DNAH10: variants seen among roughly 807,000 people sequenced by gnomAD.
DNAH10 encodes the protein axonemal beta dynein heavy chain 10.
A neutral mutation model predicts 506.6 loss-of-function variants in DNAH10; 348 were observed. The ratio of observed to expected loss-of-function variants is 0.69; its 90% confidence interval spans 0.63 to 0.75. The LOEUF (loss-of-function observed/expected upper bound fraction) is 0.75. DNAH10 is among the 30% of genes least tolerant of loss of function. DNAH10 has a pLI of 0.00. For missense variants in DNAH10, 5,179 were observed against 5,787.1 expected (o/e 0.89, Z 3.41); for synonymous variants, 2,059 against 2,198.6 (o/e 0.94, Z 1.78).
chr12:123,805,771 T>G (rs1005879541), intron 18 of DNAH10, among the ~76,000 whole-genome samples: 1 of 150,750 alleles, frequency 6.6e-6, no homozygotes, highest in Non-Finnish European at 1.5e-5. Context: ...TTCTCTTCTT[T>G]TCTTTTTTTT....
intron 56 of DNAH10, among the ~76,000 whole-genome samples, chr12:123,901,858 G>A (rs373461588): frequency 1.8e-4 from 27 of 152,032 alleles, no homozygotes; most frequent in Admixed American, 4.6e-4. Flanking sequence ...ACGGGGTTTC[G>A]CCATGTTGGC....
chr12:123,876,687 G>A (rs1952269318), intron 47 of DNAH10, among the ~76,000 whole-genome samples: 2 of 151,842 alleles, frequency 1.3e-5, no homozygotes, highest in African/African-American at 4.8e-5. Flanking sequence ...TAATGGCTGG[G>A]CATGGTGGCT....
chr12:123,933,010 A>G lies in DNAH10; in HGVS notation c.13297-321A>G, dbSNP rs544632362. Among the ~76,000 whole-genome samples the G allele has an allele frequency of 2.6e-5, 4 of 152,220 alleles. No homozygotes were observed. In the East Asian group the frequency reaches 5.8e-4, roughly 22 times the overall value. On this transcript the variant is annotated intron_variant, in intron 76 of 78. Coordinates refer to ENST00000673944, the MANE Select transcript of DNAH10 (RefSeq NM_001372106.1). The stretch of plus-strand genomic sequence containing the variant: ...TATTTTTTCCACAGAAAAGCTTTAC[A>G]TTTTTCCGTAGTCAAACCTACAAGG...
rs769915622 is a variant in DNAH10 at position 123,925,157 on chromosome 12, G to C, written c.11874G>C (p.Arg3958=). The change falls in exon 68 of 79, where the codon CGG becomes CGC. Residue 3958 remains arginine, a synonymous_variant. Transcript: ENST00000673944. The surrounding 1 kb of genome is among the most constrained non-coding windows in gnomAD (Gnocchi z 4.0). Reference sequence around the variant, plus strand: ...TTTTGCGCTGTTTCCGTGTGGATCGGGTCTATCGGGCCGTGACTGACTATG... The same window carrying C: ...TTTTGCGCTGTTTCCGTGTGGATCGCGTCTATCGGGCCGTGACTGACTATG... The part of the protein sequence containing the change: ...LLILRCFRVD[R]VYRAVTDYVT... The C allele has an allele frequency of 3.1e-6, 5 of 1,613,288 alleles. No homozygotes were observed. The highest frequency in any genetic ancestry group is 4.2e-6 in the Non-Finnish European group (5 of 1,179,736).
chr12:123,918,294 T>C (rs559427985), intron 64 of DNAH10, among the ~76,000 whole-genome samples: 1 of 152,308 alleles, frequency 6.6e-6, no homozygotes, highest in East Asian at 1.9e-4. Context: ...GTTCCTACCG[T>C]GAAGGTCCTG....
intron 26 of DNAH10, 26 bp downstream of exon 26, chr12:123,830,725 G>T: frequency 6.4e-7 from 1 of 1,565,054 alleles, no homozygotes; most frequent in African/African-American, 1.4e-5. Flanking sequence ...AAAACAGGCT[G>T]GAGAAAACAG....
intron 74 of DNAH10, 38 bp downstream of exon 74, chr12:123,931,510 G>C: frequency 1.2e-6 from 2 of 1,608,678 alleles, no homozygotes; most frequent in Non-Finnish European, 1.7e-6. Context: ...AGTTTGATTG[G>C]GGTTTTACGA....
chr12:123,894,858 G>A (rs1332555635), intron 54 of DNAH10, 135 bp downstream of exon 54: 2 of 778,578 alleles, frequency 2.6e-6, no homozygotes, highest in Non-Finnish European at 4.1e-6. Flanking sequence ...TTTCAATTTT[G>A]TTAGTATGTT....
At chr12:123,833,029 A>C (rs1391100574) in intron 26 of DNAH10, 85 bp from the exon 27 acceptor site, 1 of 1,034,886 alleles carries the variant, frequency 9.7e-7, no homozygotes, top group African/African-American at 1.6e-5. Context: ...GTTGGCCAAA[A>C]GCAAGCTAAG....
chr12:123,898,790 G>T lies in DNAH10; in HGVS notation c.9616G>T (p.Glu3206Ter), dbSNP rs1320940392. The change falls in exon 56 of 79, where the codon GAG becomes TAG. Residue 3206 changes from glutamate to a stop codon, truncating the protein, a stop_gained. Coordinates refer to ENST00000673944, the MANE Select transcript of DNAH10 (RefSeq NM_001372106.1). LOFTEE classifies it high-confidence loss of function. ...KSAACEALLE[E>*]IAVNTAVAEE... ...CGCCGCCTGCGAGGCCTTGCTGGAG[G>T]AGATCGCCGTCAACACCGCTGTAGG... 3.7e-6 allele frequency: 6 copies of T among 1,611,480 alleles called. No homozygotes were observed. The highest frequency in any genetic ancestry group is 5.1e-6 in the Non-Finnish European group (6 of 1,178,986).
chr12:123,783,057 TA>T, intron 6 of DNAH10, 49 bp from the exon 7 acceptor site: 1 of 1,584,872 alleles, frequency 6.3e-7, no homozygotes, highest in Non-Finnish European at 8.7e-7. Context: ...TTTCTCTTTG[TA>T]ATCATTTTTC....
intron 12 of DNAH10, among the ~76,000 whole-genome samples, chr12:123,795,616 A>G (rs955487433): frequency 6.6e-6 from 1 of 152,208 alleles, no homozygotes; most frequent in African/African-American, 2.4e-5. Context: ...AGGATAATTT[A>G]TCTATTTTAA....
intron 45 of DNAH10, among the ~76,000 whole-genome samples, chr12:123,872,002 C>A (rs1952055213): frequency 6.6e-6 from 1 of 152,214 alleles, no homozygotes; most frequent in African/African-American, 2.4e-5. Flanking sequence ...ACCCTCCCTT[C>A]TGCCCTAATC....
Position 123,910,630 on chromosome 12 carries a change from C to G in DNAH10, c.10092C>G (p.Gly3364=). The G allele has an allele frequency of 6.2e-6, 10 of 1,611,696 alleles. No individual in the cohort carries two copies. Among genetic ancestry groups the G allele is most frequent in the Non-Finnish European group, 8.5e-6 (10 of 1,179,816 alleles). Reference sequence around the variant, plus strand: ...TGAAATTTGTTGAAGCTGTAATGGGCTACTGTGATGTTTTCAGAGAAATCA... The same window carrying G: ...TGAAATTTGTTGAAGCTGTAATGGGGTACTGTGATGTTTTCAGAGAAATCA... ...GMLKFVEAVM[G]YCDVFREIKP... Residue 3364 remains glycine, a synonymous_variant, in exon 59 of 79, where the codon GGC becomes GGG. Coordinates refer to ENST00000673944, the MANE Select transcript of DNAH10 (RefSeq NM_001372106.1).
Position 123,928,660 on chromosome 12 carries a change from G to A in DNAH10, c.12306+73G>A, listed in dbSNP as rs537627592. 3.9e-4 allele frequency: 575 copies of A among 1,481,804 alleles called. 1 individual carries two copies. The highest frequency in any genetic ancestry group is 7.3e-4 in the South Asian group (58 of 79,870). The allele number at this position is 1,481,804 out of a possible 1,614,324, so 91.8% of individuals were successfully genotyped here. On this transcript the variant is annotated intron_variant, in intron 70 of 78. Coordinates refer to ENST00000673944, the MANE Select transcript of DNAH10 (RefSeq NM_001372106.1). This position sits in a 1 kb window ranked among gnomAD's most constrained non-coding sequence, Gnocchi z 4.9. ...AACACCTGCATGCTGCTCTGGGGCC[G>A]GGGTGTGCCTTTGTCTGTGTAGAAA...
chr12:123,853,107 A>G lies in DNAH10; in HGVS notation c.6292-99A>G. 1 of 1,287,794 alleles carries G rather than the reference A, an allele frequency of 7.8e-7. No individual in the cohort carries two copies. Among genetic ancestry groups the G allele is most frequent in the Non-Finnish European group, 1.0e-6 (1 of 976,974 alleles). 79.8% of individuals were successfully genotyped at this position (1,287,794 alleles called of 1,614,324 possible). Reference sequence around the variant, plus strand: ...ATTTGTAGAGCAGCTGCACTGGAACACCTGCCCCCGTTTTCTTGCATTTGT... The same window carrying G: ...ATTTGTAGAGCAGCTGCACTGGAACGCCTGCCCCCGTTTTCTTGCATTTGT... On this transcript the variant is annotated intron_variant, in intron 35 of 78. Transcript: ENST00000673944. The surrounding 1 kb of genome is among the most constrained non-coding windows in gnomAD (Gnocchi z 4.7).
At chr12:123,828,940 G>T (rs1960254852) in intron 25 of DNAH10, among the ~76,000 whole-genome samples, 1 of 152,182 alleles carries the variant, frequency 6.6e-6, no homozygotes, top group African/African-American at 2.4e-5. Flanking sequence ...CTCTCCCAGT[G>T]ACTCAGGGCT....
intron 28 of DNAH10, among the ~76,000 whole-genome samples, chr12:123,836,817 G>A (rs887319299): frequency 1.3e-5 from 2 of 151,818 alleles, no homozygotes; most frequent in Non-Finnish European, 2.9e-5. Flanking sequence ...TCAGGATTTC[G>A]AGACCAGCCT....
chr12:123,801,136 G>T, intron 15 of DNAH10, 145 bp from the exon 16 acceptor site: 1 of 786,854 alleles, frequency 1.3e-6, no homozygotes. Flanking sequence ...TTAATGAGAA[G>T]AGTGATGTTT....
Sources: allele counts gnomAD v4.1 joint callset (sites outside exome capture counted in the v4.1 genomes callset), GRCh38; gene constraint gnomAD v4.1.1; non-coding constraint Gnocchi (gnomAD v3.1); transcripts MANE v1.5; gene names NCBI Gene and HGNC (gene_info 2026-07-23, HGNC 2026-07-21).